Variants in ANKRD30BL observed in about 807,000 individuals in gnomAD.
ANKRD30BL encodes the protein putative ankyrin repeat domain-containing protein 30B-like.
Under a neutral mutation model 18.4 loss-of-function variants are expected in ANKRD30BL, and 20 were observed. The observed-to-expected ratio is 1.09, with a 90% CI of 0.77 to 1.58. The LOEUF (loss-of-function observed/expected upper bound fraction) is 1.58, where lower values mean the gene tolerates loss of function less well. ANKRD30BL is among the 40% of genes most tolerant of loss of function. The pLI is 0.00. For missense variants in ANKRD30BL, 224 were observed against 268.6 expected, an observed-to-expected ratio of 0.83 and a Z score of 1.16; for synonymous variants, 72 against 100.9, an observed-to-expected ratio of 0.71 and a Z score of 1.72.
At chr2:132,174,482 TC>T (rs1165456101) in intron 1 of ANKRD30BL, among the ~76,000 whole-genome samples, 1 of 152,138 alleles carries the variant, frequency 6.6e-6, no homozygotes, top group Non-Finnish European at 1.5e-5. Flanking sequence ...GACATTAATT[TC>T]CTCAGGACAG....
At chr2:132,198,540 G>T (rs1679024949) in intron 1 of ANKRD30BL, among the ~76,000 whole-genome samples, 1 of 151,006 alleles carries the variant, frequency 6.6e-6, no homozygotes, top group African/African-American at 2.4e-5. Context: ...AGCTAGGATG[G>T]TCTCCATCTC....
chr2:132,199,914 T>G (rs1679060099), intron 1 of ANKRD30BL, among the ~76,000 whole-genome samples: 1 of 152,186 alleles, frequency 6.6e-6, no homozygotes, highest in South Asian at 2.1e-4. Context: ...AAATCCTCAA[T>G]GAAATACTGG....
intron 1 of ANKRD30BL, among the ~76,000 whole-genome samples, chr2:132,238,204 C>A (rs1427899456): frequency 6.6e-6 from 1 of 151,854 alleles, no homozygotes; most frequent in Non-Finnish European, 1.5e-5. Context: ...CAGAGTTAAA[C>A]CTATCGTTTG....
Position 132,161,617 on chromosome 2 carries a change from T to A in ANKRD30BL, c.89A>T (p.Asp30Val), listed in dbSNP as rs1688064197. 7 of 1,452,670 alleles carry A rather than the reference T, an allele frequency of 4.8e-6. No homozygotes were observed. Among genetic ancestry groups the A allele is most frequent in the Middle Eastern group, 2.4e-4 (1 of 4,188 alleles). The allele number at this position is 1,452,670 out of a possible 1,614,324, so 90.0% of individuals were successfully genotyped here. Residue 30 changes from aspartate to valine, a missense_variant, in exon 1 of 6, where the codon GAC becomes GTC. By Grantham distance (152) the Asp-to-Val change is radical. Transcript: ENST00000409867. ...PFSQLVYTNNDSYVIHHGDLR... is the reference protein window; with the variant it reads ...PFSQLVYTNNVSYVIHHGDLR... The stretch of plus-strand genomic sequence containing the variant: ...ATCCCCATGGTGAATCACGTAAGAG[T>A]CGTTGTTGGTGTAGACCAGCTGACT...
chr2:132,228,103 C>A lies in ANKRD30BL; in HGVS notation n.441+29426G>T, dbSNP rs189760953. On this transcript the variant is annotated intron_variant and non_coding_transcript_variant, in intron 1 of 4. Coordinates refer to the ANKRD30BL transcript ENST00000470729. ...AAAAGGAAATATCTTCACATAGAAACTAGACAGAAGCATTCTTAGAAACTT... is the reference window on the plus strand; with the variant it reads ...AAAAGGAAATATCTTCACATAGAAAATAGACAGAAGCATTCTTAGAAACTT... 2.1e-3 allele frequency among the ~76,000 whole-genome samples: 326 copies of A among 152,184 alleles called. 1 individual carries two copies. Among genetic ancestry groups the A allele is most frequent in the African/African-American group, 7.4e-3 (307 of 41,530 alleles).
At chr2:132,199,147 A>G (rs76829740) in intron 1 of ANKRD30BL, among the ~76,000 whole-genome samples, 1,675 of 152,194 alleles carry the variant, frequency 0.011, 27 homozygotes, top group African/African-American at 0.038. Context: ...GTCAAGAGAC[A>G]TAGACCATTT....
intron 1 of ANKRD30BL, among the ~76,000 whole-genome samples, chr2:132,193,545 G>T (rs1364558375): frequency 6.6e-6 from 1 of 152,028 alleles, no homozygotes; most frequent in East Asian, 1.9e-4. Flanking sequence ...AGGATGGGCA[G>T]AAGTGGGTCC....
chr2:132,187,471 C>G (rs1445563610), intron 1 of ANKRD30BL, among the ~76,000 whole-genome samples: 1 of 151,636 alleles, frequency 6.6e-6, no homozygotes, highest in Admixed American at 6.6e-5. Context: ...CCCGCCACCA[C>G]GCCCGGCTAA....
chr2:132,207,043 C>T (rs961619906), intron 1 of ANKRD30BL, among the ~76,000 whole-genome samples: 2 of 152,112 alleles, frequency 1.3e-5, no homozygotes, highest in African/African-American at 4.8e-5. Flanking sequence ...GCATTATGAG[C>T]TCATCTAGCA....
intron 1 of ANKRD30BL, among the ~76,000 whole-genome samples, chr2:132,216,973 A>C (rs76008005): frequency 7.9e-5 from 12 of 151,076 alleles, no homozygotes; most frequent in East Asian, 2.0e-4. Context: ...GTGATGTGTG[A>C]ATTCAACTCA....
intron 1 of ANKRD30BL, among the ~76,000 whole-genome samples, chr2:132,238,433 G>C (rs13423012): frequency 2.0e-5 from 3 of 151,068 alleles, no homozygotes; most frequent in African/African-American, 7.3e-5. Context: ...CCTTCTCTGG[G>C]AACGGGTATA....
intron 3 of ANKRD30BL, 156 bp downstream of exon 3, chr2:132,156,817 T>C (rs1375180030): frequency 1.3e-5 from 5 of 388,892 alleles, no homozygotes; most frequent in Non-Finnish European, 2.3e-5. Flanking sequence ...AAAATATTAA[T>C]ATTTAAAGCA....
intron 4 of ANKRD30BL, among the ~76,000 whole-genome samples, chr2:132,151,332 G>A (rs1265591276): frequency 6.6e-6 from 1 of 151,900 alleles, no homozygotes; most frequent in South Asian, 2.1e-4. Flanking sequence ...CTAAAAATGA[G>A]GATTTTAGGG....
At chr2:132,246,413 A>C (rs1191000619) in intron 1 of ANKRD30BL, among the ~76,000 whole-genome samples, 1 of 151,864 alleles carries the variant, frequency 6.6e-6, no homozygotes, top group Admixed American at 6.6e-5. Flanking sequence ...TTTTTGTAGA[A>C]TTTACAAGTG....
chr2:132,231,299 G>A (rs979727737), intron 1 of ANKRD30BL, among the ~76,000 whole-genome samples: 2 of 152,188 alleles, frequency 1.3e-5, no homozygotes, highest in Non-Finnish European at 2.9e-5. Context: ...CCGCTTTGAG[G>A]CCTTCATTGA....
intron 1 of ANKRD30BL, among the ~76,000 whole-genome samples, chr2:132,221,978 T>C (rs1441192039): frequency 5.9e-3 from 493 of 84,064 alleles, no homozygotes; most frequent in Middle Eastern, 0.039. Context: ...CGCCTCTGCC[T>C]GGCCGCCCCT....
At chr2:132,224,026 C>G (rs1470456892) in intron 1 of ANKRD30BL, among the ~76,000 whole-genome samples, 1 of 152,100 alleles carries the variant, frequency 6.6e-6, no homozygotes, top group South Asian at 2.1e-4. Flanking sequence ...ATTCAACGCA[C>G]AGAGTTGAAC....
At chr2:132,253,604 G>A (rs1412360950) in intron 1 of ANKRD30BL, among the ~76,000 whole-genome samples, 2 of 152,138 alleles carry the variant, frequency 1.3e-5, no homozygotes, top group Admixed American at 6.5e-5. Context: ...GACATCAGTG[G>A]CGACACGCAA....
At chr2:132,204,480 GTATGTATA>G (rs1483734293) in intron 1 of ANKRD30BL, among the ~76,000 whole-genome samples, 56 of 140,242 alleles carry the variant, frequency 4.0e-4, no homozygotes, top group South Asian at 1.1e-3. Context: ...TGTATATATA[GTATGTATA>G]TATGTATATA....
Sources: allele counts gnomAD v4.1 joint callset (sites outside exome capture counted in the v4.1 genomes callset), GRCh38; gene constraint gnomAD v4.1.1; transcripts MANE v1.5; gene names NCBI Gene and HGNC (gene_info 2026-07-23, HGNC 2026-07-21).